Variants in FRYL observed in about 807,000 individuals in gnomAD.
The protein encoded by FRYL is FRY like transcription coactivator, also known as protein furry homolog-like.
Under a neutral mutation model 351.2 loss-of-function variants are expected in FRYL, and 150 were observed. That is an observed-to-expected ratio of 0.43 (90% CI 0.37 to 0.49). The LOEUF (loss-of-function observed/expected upper bound fraction) is 0.49. Among genes scored for constraint, FRYL ranks in the 20% least tolerant of loss-of-function variants. The probability of loss-of-function intolerance (pLI) is 0.00; values close to 1 mark genes in which losing one functional copy is unlikely to be tolerated. For missense variants in FRYL, 3,036 were observed against 3,619.3 expected (o/e 0.84, Z 4.13); for synonymous variants, 1,153 against 1,257.1 (o/e 0.92, Z 1.75).
chr4:48,546,272 C>G lies in FRYL; in HGVS notation c.5075-1G>C. 6 of 1,608,778 alleles carry G rather than the reference C, an allele frequency of 3.7e-6. No homozygotes were observed. The highest frequency in any genetic ancestry group is 5.1e-6 in the Non-Finnish European group (6 of 1,175,572). ...TCAGGTATAAAATCGTTAATGCCTG[C>G]TGAAAGAGAAAGATCGTCATGAATA... On this transcript the variant is annotated splice_acceptor_variant, in intron 41 of 63. Coordinates refer to ENST00000358350, the MANE Select transcript of FRYL (RefSeq NM_015030.2). LOFTEE classifies it high-confidence loss of function.
chr4:48,575,481 C>T (rs774339381), intron 24 of FRYL, among the ~76,000 whole-genome samples: 3 of 152,174 alleles, frequency 2.0e-5, no homozygotes, highest in Non-Finnish European at 4.4e-5. Flanking sequence ...CACTCATGAT[C>T]ATATAATAGG....
intron 15 of FRYL, among the ~76,000 whole-genome samples, chr4:48,595,010 G>A (rs1744309120): frequency 6.6e-6 from 1 of 152,186 alleles, no homozygotes; most frequent in African/African-American, 2.4e-5. Context: ...GAGTCTCTTT[G>A]GGAACTGGGA....
chr4:48,561,591 G>C lies in FRYL; in HGVS notation c.3742C>G (p.Gln1248Glu). ...MFRYAHKLEV[Q>E]RTDGVLSQLS... ...TGGCTGAGTACTCCATCTGTTCTCTGAACCTCCAATTTGTGAGCATAGCGA... is the reference window on the plus strand; with the variant it reads ...TGGCTGAGTACTCCATCTGTTCTCTCAACCTCCAATTTGTGAGCATAGCGA... Residue 1248 changes from glutamine (Q) to glutamate (E), a missense_variant, in exon 33 of 64, where the codon CAG becomes GAG. Coordinates refer to ENST00000358350, the MANE Select transcript of FRYL (RefSeq NM_015030.2). 1 of 1,612,154 alleles carries C rather than the reference G, an allele frequency of 6.2e-7. No homozygotes were observed. Among genetic ancestry groups the C allele is most frequent in the Non-Finnish European group, 8.5e-7 (1 of 1,178,728 alleles).
chr4:48,578,536 G>A (rs990428153), intron 23 of FRYL, among the ~76,000 whole-genome samples: 6 of 152,148 alleles, frequency 3.9e-5, no homozygotes, highest in African/African-American at 1.4e-4. Context: ...CTCCTACTCA[G>A]TGTGTTATTA....
rs1434247426 is a variant in FRYL at position 48,586,681 on chromosome 4, G to A, written c.1688C>T (p.Ala563Val). Residue 563 changes from alanine to valine, a missense_variant, in exon 19 of 64, where the codon GCG becomes GTG. Transcript: ENST00000358350. ...KIDLFRTCIA[A>V]IPRLIPDGMS... ...ACCGTCAGGAATCAACCTTGGAATC[G>A]CAGCAATACAAGTTCTAAACAAATC... 1.2e-6 allele frequency: 2 copies of A among 1,610,912 alleles called. No homozygotes were observed. Among genetic ancestry groups the A allele is most frequent in the African/African-American group, 1.3e-5 (1 of 74,680 alleles).
intron 2 of FRYL, among the ~76,000 whole-genome samples, chr4:48,704,572 G>C (rs1767105422): frequency 6.6e-6 from 1 of 152,150 alleles, no homozygotes; most frequent in Non-Finnish European, 1.5e-5. Flanking sequence ...CAGCACATTG[G>C]GAGGCCAAGG....
chr4:48,602,058 A>G lies in FRYL; in HGVS notation c.997T>C (p.Trp333Arg). 1.2e-6 allele frequency: 2 copies of G among 1,600,896 alleles called. No individual in the cohort carries two copies. The highest frequency in any genetic ancestry group is 2.2e-5 in the East Asian group (1 of 44,596). The change falls in exon 13 of 64, where the codon TGG becomes CGG. Residue 333 changes from tryptophan to arginine, a missense_variant. Trp to Arg is a moderately radical substitution (Grantham distance 101). Around this residue, in one of 7 missense-constraint regions of FRYL, gnomAD observed 457 missense variants for 566.6 expected, o/e 0.81. Transcript: ENST00000358350. ...VSQKQFFLNN[W>R]HIFLQNCLSH... ...AAACAGTTCTGTAGGAAAATATGCC[A>G]GTTATTTAAAAAAAATTGTTTCTGA... is the stretch of plus-strand genomic sequence containing the variant.
intron 1 of FRYL, among the ~76,000 whole-genome samples, chr4:48,742,306 T>C (rs1429819163): frequency 6.6e-6 from 1 of 152,260 alleles, no homozygotes. Context: ...TTCATTTTAC[T>C]TAACCAATTA....
intron 1 of FRYL, among the ~76,000 whole-genome samples, chr4:48,743,626 G>C (rs1772357233): frequency 6.6e-6 from 1 of 152,100 alleles, no homozygotes; most frequent in Non-Finnish European, 1.5e-5. Flanking sequence ...AACTTGGCTA[G>C]TCCATGGTAC....
rs763231727 is a variant in FRYL, at chr4:48,576,250, G to T, written c.2529-28C>A. ...AAGGAAAAAAAAAGAAAAATAGGCAGATATGAATAACACAACACGTTTTTA... is the reference window on the plus strand; with the variant it reads ...AAGGAAAAAAAAAGAAAAATAGGCATATATGAATAACACAACACGTTTTTA... On this transcript the variant is annotated intron_variant, in intron 23 of 63. Transcript: ENST00000358350. 1.8e-5 allele frequency: 27 copies of T among 1,488,912 alleles called. 1 individual carries two copies. The South Asian group carries it at 3.0e-4, about 17-fold the overall frequency. The allele number at this position is 1,488,912 out of a possible 1,614,324, so 92.2% of individuals were successfully genotyped here.
intron 8 of FRYL, 106 bp downstream of exon 8, chr4:48,609,638 G>GAAA: frequency 2.0e-6 from 1 of 496,134 alleles, no homozygotes; most frequent in Non-Finnish European, 3.6e-6. Flanking sequence ...AAAAAAGGAA[G>GAAA]ATAAGAATTG....
At chr4:48,569,828 T>C (rs7698095) in intron 27 of FRYL, among the ~76,000 whole-genome samples, 4,985 of 152,286 alleles carry the variant, frequency 0.033, 263 homozygotes, top group African/African-American at 0.11. Flanking sequence ...TTCCTTTTTG[T>C]TTCAAGACAA....
chr4:48,762,307 T>C (rs542184632), intron 1 of FRYL, among the ~76,000 whole-genome samples: 2 of 152,336 alleles, frequency 1.3e-5, no homozygotes, highest in African/African-American at 4.8e-5. Context: ...ATAGAGCCTA[T>C]TGTTTTGCAG....
intron 3 of FRYL, among the ~76,000 whole-genome samples, chr4:48,678,110 T>C (rs1764017744): frequency 6.6e-6 from 1 of 152,126 alleles, no homozygotes; most frequent in South Asian, 2.1e-4. Flanking sequence ...GAGAAGGTAT[T>C]GGCCGGGTGC....
At chr4:48,686,059 T>G (rs901555546) in intron 2 of FRYL, among the ~76,000 whole-genome samples, 3 of 152,292 alleles carry the variant, frequency 2.0e-5, no homozygotes, top group South Asian at 2.1e-4. Flanking sequence ...TATTTTTCTA[T>G]AGCTAAAATA....
chr4:48,557,328 G>A (rs1365061974), intron 34 of FRYL, 125 bp downstream of exon 34: 3 of 1,311,684 alleles, frequency 2.3e-6, no homozygotes, highest in Non-Finnish European at 3.1e-6. Flanking sequence ...TATCTAATGA[G>A]TCTTTTTTAA....
chr4:48,702,064 T>C (rs1432633304), intron 2 of FRYL, among the ~76,000 whole-genome samples: 1 of 152,220 alleles, frequency 6.6e-6, no homozygotes, highest in Non-Finnish European at 1.5e-5. Context: ...TGAGACTTCC[T>C]TCTTTTATAA....
chr4:48,656,335 T>TATTATATAATATATACTAAATAA (rs1759038780), intron 3 of FRYL, among the ~76,000 whole-genome samples: 1 of 127,142 alleles, frequency 7.9e-6, no homozygotes. Flanking sequence ...ATACTAAATA[T>TATTATATAATATATACTAAATAA]ATTATATAAT....
chr4:48,753,507 T>C (rs1773460801), intron 1 of FRYL, among the ~76,000 whole-genome samples: 1 of 152,202 alleles, frequency 6.6e-6, no homozygotes, highest in South Asian at 2.1e-4. Context: ...GCTCTTTATC[T>C]TTTTATTACT....
Sources: gnomAD v4.1 joint callset for allele counts (sites outside exome capture counted in the v4.1 genomes callset) on GRCh38, gnomAD v4.1.1 for gene constraint, gnomAD v4.1.1 regional missense constraint, MANE v1.5 for transcripts, NCBI Gene and HGNC (gene_info 2026-07-23, HGNC 2026-07-21) for gene names.